Variants in MEIKIN observed in about 807,000 individuals in gnomAD.
The protein encoded by MEIKIN is meiotic kinetochore factor.
intron 10 of MEIKIN, among the ~76,000 whole-genome samples, chr5:131,854,017 G>A (rs1322414872): frequency 6.6e-6 from 1 of 152,058 alleles, no homozygotes; most frequent in East Asian, 1.9e-4. Flanking sequence ...TTGAAAGCAG[G>A]GACTCAAACA....
At position 131,876,356 on chromosome 5, in the gene MEIKIN, A is replaced by G. The variant is rs567656305; in HGVS notation, c.774+2622T>C. Among the ~76,000 whole-genome samples the G allele has an allele frequency of 3.5e-3, 528 of 151,906 alleles. 4 individuals carry two copies. Among genetic ancestry groups the G allele is most frequent in the African/African-American group, 0.012 (511 of 41,218 alleles). ...CGAAGGATATGAGCAGACACTTCTC[A>G]AAAGAAGACATTTATGCGGCCAACG... is the stretch of plus-strand genomic sequence containing the variant. On this transcript the variant is annotated intron_variant, in intron 9 of 12. Transcript: ENST00000442687.
chr5:131,822,375 C>T (rs1267059891), intron 11 of MEIKIN, among the ~76,000 whole-genome samples: 1 of 151,418 alleles, frequency 6.6e-6, no homozygotes, highest in African/African-American at 2.4e-5. Context: ...TTCTTCTTTC[C>T]TTCCTTTCTG....
chr5:131,853,955 T>C (rs1462852542), intron 10 of MEIKIN, among the ~76,000 whole-genome samples: 5 of 152,014 alleles, frequency 3.3e-5, no homozygotes, highest in South Asian at 2.1e-4. Flanking sequence ...AAAAGAAAAA[T>C]TGAATTACAA....
intron 9 of MEIKIN, among the ~76,000 whole-genome samples, chr5:131,857,722 G>C (rs1232013145): frequency 6.6e-6 from 1 of 152,130 alleles, no homozygotes; most frequent in Non-Finnish European, 1.5e-5. Context: ...ACCTCACTTT[G>C]CTGTCATGCA....
intron 11 of MEIKIN, among the ~76,000 whole-genome samples, chr5:131,822,159 T>A (rs1749519989): frequency 6.6e-6 from 1 of 152,200 alleles, no homozygotes; most frequent in Non-Finnish European, 1.5e-5. Flanking sequence ...TTTATTTTCA[T>A]TTTGTGTGTA....
chr5:131,839,885 G>C (rs115028255), intron 11 of MEIKIN, among the ~76,000 whole-genome samples: 1 of 152,218 alleles, frequency 6.6e-6, no homozygotes, highest in East Asian at 1.9e-4. Context: ...ATTTGATCCT[G>C]TCATCATGAT....
intron 9 of MEIKIN, among the ~76,000 whole-genome samples, chr5:131,862,452 G>A (rs113493082): frequency 1.3e-3 from 197 of 151,852 alleles, no homozygotes; most frequent in African/African-American, 4.2e-3. Flanking sequence ...TTTCTGCTCT[G>A]ATCATTATTA....
chr5:131,813,164 T>C (rs1773027707), intron 12 of MEIKIN, among the ~76,000 whole-genome samples: 1 of 152,226 alleles, frequency 6.6e-6, no homozygotes, highest in Non-Finnish European at 1.5e-5. Flanking sequence ...ACCTTTTTTC[T>C]CACTGCCTGC....
intron 11 of MEIKIN, among the ~76,000 whole-genome samples, chr5:131,835,851 C>T (rs1440503520): frequency 2.6e-5 from 4 of 152,192 alleles, no homozygotes; most frequent in African/African-American, 9.7e-5. Flanking sequence ...CCTCGGCCTC[C>T]CAAAGTGCTG....
At chr5:131,817,653 T>C (rs902472257) in intron 12 of MEIKIN, among the ~76,000 whole-genome samples, 1 of 151,842 alleles carries the variant, frequency 6.6e-6, no homozygotes, top group African/African-American at 2.4e-5. Context: ...CTCTATCTCC[T>C]TTAGGTTCTG....
chr5:131,875,472 C>A (rs1413983668), intron 9 of MEIKIN, among the ~76,000 whole-genome samples: 2 of 151,834 alleles, frequency 1.3e-5, no homozygotes, highest in African/African-American at 4.8e-5. Context: ...GAACTACAAA[C>A]CACTGCTCAA....
intron 9 of MEIKIN, among the ~76,000 whole-genome samples, chr5:131,875,498 T>C (rs1034812697): frequency 1.3e-5 from 2 of 151,766 alleles, no homozygotes; most frequent in East Asian, 1.9e-4. Context: ...TAAAAGAGGA[T>C]ACAAACAAAT....
intron 9 of MEIKIN, among the ~76,000 whole-genome samples, chr5:131,868,991 C>T (rs1382259457): frequency 6.6e-6 from 1 of 152,094 alleles, no homozygotes; most frequent in African/African-American, 2.4e-5. Context: ...TAATGAAGTC[C>T]AGGTTATCAA....
At chr5:131,858,401 C>T (rs1750231760) in intron 9 of MEIKIN, among the ~76,000 whole-genome samples, 1 of 152,188 alleles carries the variant, frequency 6.6e-6, no homozygotes, top group Non-Finnish European at 1.5e-5. Context: ...AAGACTGAAA[C>T]TGAACTCCTT....
At chr5:131,937,472 T>C (rs1020300544) in intron 4 of MEIKIN, among the ~76,000 whole-genome samples, 37 of 152,074 alleles carry the variant, frequency 2.4e-4, no homozygotes, top group Non-Finnish European at 5.0e-4. Flanking sequence ...CCTCTTAACA[T>C]CATGAAAACT....
chr5:131,831,977 G>A (rs1283154321), intron 11 of MEIKIN, among the ~76,000 whole-genome samples: 2 of 152,028 alleles, frequency 1.3e-5, no homozygotes, highest in African/African-American at 2.4e-5. Flanking sequence ...AGATTTGGGT[G>A]GGGACACAGC....
chr5:131,857,808 G>GA (rs1407828044), intron 9 of MEIKIN, among the ~76,000 whole-genome samples: 1 of 152,198 alleles, frequency 6.6e-6, no homozygotes, highest in African/African-American at 2.4e-5. Context: ...CCACTGGCAT[G>GA]TGTGTGTACA....
At chr5:131,920,498 G>C (rs542657757) in intron 6 of MEIKIN, among the ~76,000 whole-genome samples, 1 of 152,180 alleles carries the variant, frequency 6.6e-6, no homozygotes, top group Non-Finnish European at 1.5e-5. Flanking sequence ...AAATTACAAA[G>C]AGAAAACATA....
intron 5 of MEIKIN, among the ~76,000 whole-genome samples, chr5:131,922,234 A>G (rs1027714843): frequency 6.6e-6 from 1 of 152,194 alleles, no homozygotes; most frequent in African/African-American, 2.4e-5. Context: ...TATATATGTT[A>G]TACCTATGTG....
Sources: gnomAD v4.1 joint callset for allele counts (sites outside exome capture counted in the v4.1 genomes callset) on GRCh38, gnomAD v4.1.1 for gene constraint, MANE v1.5 for transcripts, NCBI Gene and HGNC (gene_info 2026-07-23, HGNC 2026-07-21) for gene names.